The following HELZ2 variants were observed in gnomAD, a reference collection of about 807,000 sequenced individuals.
HELZ2 encodes the protein helicase with zinc finger 2, also known as 3'-5' exoribonuclease HELZ2.
HELZ2 carries 143 observed loss-of-function variants against 208.8 expected under a neutral mutation model. The observed-to-expected ratio is 0.68, with a 90% CI of 0.60 to 0.79. The LOEUF is 0.79. HELZ2 is among the 30% of genes least tolerant of loss of function. The pLI is 0.00. For synonymous variants in HELZ2, 1,705 were observed against 1,693.7 expected, an observed-to-expected ratio of 1.01 and a Z score of -0.16; for missense variants, 3,690 against 3,794.5, an observed-to-expected ratio of 0.97 and a Z score of 0.72.
In HELZ2 at chr20:63,563,241, G is replaced by T. The variant is rs774397910; in HGVS notation, c.5581C>A (p.Gln1861Lys). ...TGGCCACAGTGGCTCCGCTGCACCT[G>T]CACCAGCTCCCGCCGCTGGGACGCC... is the stretch of plus-strand genomic sequence containing the variant. Residue 1861 changes from glutamine to lysine, a missense_variant, in exon 8 of 19, where the codon CAG (glutamine) becomes AAG (lysine). By Grantham distance (53) the Gln-to-Lys change is moderately conservative. Coordinates refer to ENST00000467148, the Ensembl canonical transcript of HELZ2. 4.5e-6 allele frequency: 7 copies of T among 1,558,172 alleles called. No homozygotes were observed. The highest frequency in any genetic ancestry group is 6.0e-6 in the Non-Finnish European group (7 of 1,158,542).
chr20:63,569,086 A>C, intron 4 of HELZ2, 62 bp downstream of exon 5: 2 of 1,584,106 alleles, frequency 1.3e-6, no homozygotes, highest in South Asian at 2.2e-5. Context: ...CCGTTGCCCC[A>C]GCCGCTCCCA....
downstream of HELZ2, chr20:63,558,996 T>C (rs1221269907): frequency 2.0e-5 from 9 of 442,260 alleles, no homozygotes; most frequent in Non-Finnish European, 3.7e-5. Flanking sequence ...TTCCTTGCAC[T>C]GGTCCCAAGG....
exon 5 of HELZ2, chr20:63,568,754 A>G (rs1480979562): frequency 1.2e-6 from 2 of 1,604,652 alleles, no homozygotes; most frequent in Admixed American, 1.7e-5. Context: ...CAGCAGCCAC[A>G]GCGCCTGCTC....
At chr20:63,560,135 A>AACCCGCCCCC in intron 17 of HELZ2, 36 bp downstream of exon 18, 1 of 1,096,980 alleles carries the variant, frequency 9.1e-7, no homozygotes, top group Non-Finnish European at 1.3e-6. Context: ...CGCTGCGCCC[A>AACCCGCCCCC]CCCTCCCGGC....
chr20:63,568,738 C>T (rs753246125), exon 5 of HELZ2: 18 of 1,604,238 alleles, frequency 1.1e-5, no homozygotes, highest in African/African-American at 5.3e-5. Context: ...AGCAGCGGGC[C>T]GGAAGCAGCA....
exon 8 of HELZ2, chr20:63,564,528 T>C: frequency 6.3e-7 from 1 of 1,580,142 alleles, no homozygotes; most frequent in Non-Finnish European, 8.6e-7. Flanking sequence ...TTCTCCATGG[T>C]GAGGAACAGG....
In HELZ2 at chr20:63,559,520, C is replaced by G. The variant is rs1288317476; in HGVS notation, c.7826-150G>C. 6.2e-5 allele frequency: 16 copies of G among 259,572 alleles called. No homozygotes were observed. The East Asian group carries it at 1.1e-3, about 18-fold the overall frequency. 16.1% of individuals were successfully genotyped at this position (259,572 alleles called of 1,614,324 possible). On this transcript the variant is annotated intron_variant, in intron 18 of 18. Coordinates refer to ENST00000467148, the Ensembl canonical transcript of HELZ2. ...GGAGGAGTCAGGGTCAGATGGGAGT[C>G]AGTCAGAGTCAGGTGGGAGGAGTCA...
At position 63,568,241 on chromosome 20, in the gene HELZ2, C is replaced by G. The variant is rs181217615; in HGVS notation, c.1730+117G>C. ...GATAAAGCCAAAGCCCAAAGCTGGT[C>G]GGCTACAGGGAGTGCAGAATCAGAG... On this transcript the variant is annotated intron_variant, in intron 5 of 18. Transcript: ENST00000467148. 8.2e-4 allele frequency: 656 copies of G among 801,910 alleles called. 3 individuals are homozygous for G. In the African/African-American group the frequency reaches 9.6e-3, roughly 12 times the overall value. 49.7% of individuals were successfully genotyped at this position (801,910 alleles called of 1,614,324 possible). A position where few individuals can be genotyped will look rare whatever the true frequency, so the allele number is the denominator to read the frequency against.
rs371806590 is a variant in HELZ2, at chr20:63,561,345, C to T, written c.6953+5G>A. On this transcript the variant is annotated splice_donor_5th_base_variant and intron_variant, in intron 13 of 18. Transcript: ENST00000467148. The stretch of plus-strand genomic sequence containing the variant: ...CAGCTCCACCCCCTGGCCCCTGCCA[C>T]TTACCAGACCAGGTCCTCCCTGGAG... 92 of 1,612,866 alleles carry T rather than the reference C, an allele frequency of 5.7e-5. No individual in the cohort carries two copies. Among genetic ancestry groups the T allele is most frequent in the Non-Finnish European group, 7.5e-5 (88 of 1,179,960 alleles).
At chr20:63,572,538 C>T, upstream of HELZ2, 14 of 823,056 alleles carry the variant, frequency 1.7e-5, no homozygotes, top group South Asian at 1.7e-4. Flanking sequence ...TCGGCGCTCA[C>T]GTGGGCCAGG....
chr20:63,572,491 C>A, upstream of HELZ2: 1 of 1,230,548 alleles, frequency 8.1e-7, no homozygotes. Context: ...CCCGGGGCCG[C>A]GGCCTCACCA....
Position 63,561,482 on chromosome 20 carries a change from CAGTG to C in HELZ2, c.6837-20_6837-17del, listed in dbSNP as rs777507290. On this transcript the variant is annotated splice_polypyrimidine_tract_variant and intron_variant, in intron 12 of 18. Transcript: ENST00000467148. The stretch of plus-strand genomic sequence containing the variant: ...GGTGATGCTCCTGGGGGACAGGACA[CAGTG>C]AGCCCTGTCCACGCAGGGCCATCAC... The C allele has an allele frequency of 2.5e-6, 4 of 1,597,686 alleles. No individual in the cohort carries two copies. The highest frequency in any genetic ancestry group is 1.7e-5 in the Admixed American group (1 of 59,098).
upstream of HELZ2, chr20:63,573,154 A>AGGC (rs375210349): frequency 6.6e-6 from 1 of 152,232 alleles, no homozygotes; most frequent in East Asian, 1.9e-4. The surrounding 1 kb of genome is among the most constrained non-coding windows in gnomAD (Gnocchi z 4.9). Context: ...CTCTCCAGGG[A>AGGC]GGCGTCTGAG....
intron 8 of HELZ2, 40 bp from the exon 10 acceptor site, chr20:63,562,422 C>A: frequency 6.5e-7 from 1 of 1,548,994 alleles, no homozygotes; most frequent in East Asian, 2.4e-5. Context: ...AACAGGACTC[C>A]CAGGAAAGGG....
exon 5 of HELZ2, chr20:63,568,501 C>A: frequency 6.3e-7 from 1 of 1,585,374 alleles, no homozygotes; most frequent in African/African-American, 1.3e-5. Context: ...CCCCAGGGCC[C>A]CAGCCCGCGA....
At chr20:63,560,959 A>C (rs1369209472) in intron 14 of HELZ2, 30 bp from the exon 16 acceptor site, 1 of 1,605,418 alleles carries the variant, frequency 6.2e-7, no homozygotes, top group Non-Finnish European at 8.5e-7. Flanking sequence ...TGGCCCTGAC[A>C]CCCCTAGACC....
At position 63,568,770 on chromosome 20, in the gene HELZ2, TG is replaced by T; in HGVS notation, c.1317del (p.Ser440AlafsTer37). The stretch of plus-strand genomic sequence containing the variant: ...AGCAGCCACAGCGCCTGCTCTGAGC[TG>T]GCCCGCCTCTCCAGCCGCACCTCGA... On this transcript the variant is annotated frameshift_variant, in exon 5 of 19. Coordinates refer to ENST00000467148, the Ensembl canonical transcript of HELZ2. LOFTEE classifies it high-confidence loss of function. 6.2e-7 allele frequency: 1 copy of T among 1,606,552 alleles called. No individual in the cohort carries two copies. Among genetic ancestry groups the T allele is most frequent in the South Asian group, 1.1e-5 (1 of 90,754 alleles).
At chr20:63,568,310 T>C in intron 5 of HELZ2, 48 bp downstream of exon 6, 1 of 1,414,974 alleles carries the variant, frequency 7.1e-7, no homozygotes, top group Non-Finnish European at 9.9e-7. Context: ...CGGTGTAGAC[T>C]TGGGCCGGGC....
chr20:63,561,969 A>T, exon 11 of HELZ2: 1 of 1,595,910 alleles, frequency 6.3e-7, no homozygotes, highest in Non-Finnish European at 8.6e-7. Context: ...GAGGCCCACG[A>T]TCGTCTTCCC....
Sources: gnomAD v4.1 joint callset for allele counts on GRCh38, gnomAD v4.1.1 for gene constraint, Gnocchi (gnomAD v3.1) non-coding constraint, MANE v1.5 for transcripts, NCBI Gene and HGNC (gene_info 2026-07-23, HGNC 2026-07-21) for gene names.